The following EHMT1 variants were observed in gnomAD, a reference collection of about 807,000 sequenced individuals.
EHMT1 encodes euchromatic histone lysine methyltransferase 1.
Under a neutral mutation model 147.2 loss-of-function variants are expected in EHMT1, and 15 were observed. That is an observed-to-expected ratio of 0.10 (90% CI 0.07 to 0.16). The LOEUF is 0.16. Among genes scored for constraint, EHMT1 ranks in the 10% least tolerant of loss-of-function variants. The probability of loss-of-function intolerance (pLI) is 1.00; values close to 1 mark genes in which losing one functional copy is unlikely to be tolerated. For synonymous variants in EHMT1, 795 were observed against 709.6 expected (o/e 1.12, Z -1.91); for missense variants, 1,587 against 1,772.4 (o/e 0.90, Z 1.88).
At chr9:137,712,368 G>T (rs1944821944) in intron 2 of EHMT1, among the ~76,000 whole-genome samples, 1 of 152,192 alleles carries the variant, frequency 6.6e-6, no homozygotes, top group Admixed American at 6.5e-5. Context: ...CACCCTGGGG[G>T]AACTGCTGGA....
chr9:137,742,180 G>T lies in EHMT1; in HGVS notation c.824-1191G>T, dbSNP rs376631370. Among the ~76,000 whole-genome samples, 9 of 152,156 alleles carry T rather than the reference G, an allele frequency of 5.9e-5. No homozygotes were observed. In the East Asian group the frequency reaches 7.7e-4, roughly 13 times the overall value. On this transcript the variant is annotated intron_variant, in intron 4 of 26. Transcript: ENST00000460843. Reference sequence around the variant, plus strand: ...TCCTTACTCCAGAGCGGATTGCCCAGGCCCCGCGGCGTCTGTGGGTGGTGC... The same window carrying T: ...TCCTTACTCCAGAGCGGATTGCCCATGCCCCGCGGCGTCTGTGGGTGGTGC...
rs1129767 is a variant in EHMT1, at chr9:137,743,964, G to A, written c.1044G>A (p.Ser348=). 0.18 allele frequency: 287,530 copies of A among 1,613,684 alleles called. 28,823 individuals are homozygous for A. Among genetic ancestry groups the A allele is most frequent in the Admixed American group, 0.39 (23,466 of 59,962 alleles). Residue 348 remains serine (S), a synonymous_variant, in exon 6 of 27, where the codon TCG becomes TCA. Coordinates refer to ENST00000460843, the MANE Select transcript of EHMT1 (RefSeq NM_024757.5). The part of the protein sequence containing the change: ...HVNGESLEMD[S]DEDDSEELEE... ...ATGGGGAGAGCCTGGAGATGGACTCGGATGAGGACGACTCAGAGGAGCTCG... is the reference window on the plus strand; with the variant it reads ...ATGGGGAGAGCCTGGAGATGGACTCAGATGAGGACGACTCAGAGGAGCTCG...
chr9:137,776,606 TC>T lies in EHMT1; in HGVS notation c.1792-9del. ...TTAAAACAAAAATTTTTTTTTGTCC[TC>T]CCATTTTTAGGGTAATTTTATGGAG... On this transcript the variant is annotated splice_polypyrimidine_tract_variant and intron_variant, in intron 11 of 26. Transcript: ENST00000460843. This position sits in a 1 kb window ranked among gnomAD's most constrained non-coding sequence, Gnocchi z 4.4. 4 of 1,613,962 alleles carry T rather than the reference TC, an allele frequency of 2.5e-6. No individual in the cohort carries two copies. Among genetic ancestry groups the T allele is most frequent in the Non-Finnish European group, 3.4e-6 (4 of 1,179,964 alleles).
intron 1 of EHMT1, among the ~76,000 whole-genome samples, chr9:137,686,668 A>C (rs1461264520): frequency 1.3e-5 from 2 of 151,250 alleles, no homozygotes; most frequent in Non-Finnish European, 2.9e-5. Flanking sequence ...GGTGTGAGCC[A>C]CTGTGCCCAG....
At chr9:137,694,338 C>T (rs533651893) in intron 1 of EHMT1, among the ~76,000 whole-genome samples, 174 of 148,596 alleles carry the variant, frequency 1.2e-3, no homozygotes, top group East Asian at 6.1e-4. Context: ...TGGCGCAGGA[C>T]GCTGGCCGAT....
chr9:137,817,715 C>T (rs372143484), intron 24 of EHMT1, 190 bp downstream of exon 24: 13 of 716,918 alleles, frequency 1.8e-5, no homozygotes, highest in East Asian at 1.1e-4. Flanking sequence ...TGCTGCTGCC[C>T]GTAACCAGCC....
chr9:137,752,320 T>C lies in EHMT1; in HGVS notation c.1171-11T>C. ...TGTTTGGGTTCCCGCTTCGACTGTG[T>C]GGCTGATCAGATGGACGGGGAGTCC... On this transcript the variant is annotated splice_polypyrimidine_tract_variant and intron_variant, in intron 6 of 26. Coordinates refer to ENST00000460843, the MANE Select transcript of EHMT1 (RefSeq NM_024757.5). 2 of 1,614,084 alleles carry C rather than the reference T, an allele frequency of 1.2e-6. No individual in the cohort carries two copies. Among genetic ancestry groups the C allele is most frequent in the Non-Finnish European group, 8.5e-7 (1 of 1,179,980 alleles).
At chr9:137,693,096 G>A (rs1277944774) in intron 1 of EHMT1, among the ~76,000 whole-genome samples, 1 of 152,096 alleles carries the variant, frequency 6.6e-6, no homozygotes, top group Non-Finnish European at 1.5e-5. Flanking sequence ...AAGTGTAGTG[G>A]GTGGATGGAA....
intron 1 of EHMT1, among the ~76,000 whole-genome samples, chr9:137,670,025 TG>T (rs1269766391): frequency 1.1e-4 from 16 of 152,172 alleles, no homozygotes; most frequent in African/African-American, 1.9e-4. Flanking sequence ...GCCCAGCTAA[TG>T]TTTTTGTATT....
At chr9:137,671,478 A>G (rs1940621606) in intron 1 of EHMT1, among the ~76,000 whole-genome samples, 1 of 151,776 alleles carries the variant, frequency 6.6e-6, no homozygotes, top group South Asian at 2.1e-4. Flanking sequence ...CCCTGTCAAA[A>G]CAAAGCGACC....
intron 10 of EHMT1, among the ~76,000 whole-genome samples, chr9:137,767,931 C>G (rs553918553): frequency 2.6e-5 from 4 of 152,232 alleles, no homozygotes; most frequent in African/African-American, 9.6e-5. Context: ...TTGGGGTGTT[C>G]AACCTGTTTT....
intron 18 of EHMT1, among the ~76,000 whole-genome samples, chr9:137,810,853 C>A (rs920391105): frequency 6.6e-6 from 1 of 152,074 alleles, no homozygotes; most frequent in African/African-American, 2.4e-5. Flanking sequence ...GTGCCCACCA[C>A]CACGCCCGGC....
chr9:137,717,908 A>G (rs1471206220), intron 3 of EHMT1, among the ~76,000 whole-genome samples: 1 of 152,230 alleles, frequency 6.6e-6, no homozygotes, highest in Non-Finnish European at 1.5e-5. Context: ...GGCCACCTGG[A>G]GACATGCCGA....
At chr9:137,678,050 C>A (rs1941552017) in intron 1 of EHMT1, among the ~76,000 whole-genome samples, 1 of 152,062 alleles carries the variant, frequency 6.6e-6, no homozygotes. Context: ...GCCTGGGCGA[C>A]AGAGCGAGAC....
chr9:137,699,445 G>A (rs1376104656), intron 1 of EHMT1, among the ~76,000 whole-genome samples: 1 of 152,082 alleles, frequency 6.6e-6, no homozygotes, highest in African/African-American at 2.4e-5. Context: ...GGCCGAAGTG[G>A]GCAGATCACT....
intron 16 of EHMT1, chr9:137,792,090 A>G: frequency 2.1e-6 from 1 of 470,092 alleles, no homozygotes; most frequent in South Asian, 1.6e-5. Context: ...CGGAGTCTCA[A>G]GAGACCCAGA....
intron 18 of EHMT1, among the ~76,000 whole-genome samples, chr9:137,805,253 T>C (rs1953848799): frequency 6.6e-6 from 1 of 152,236 alleles, no homozygotes; most frequent in African/African-American, 2.4e-5. Flanking sequence ...GTGTCAGTTG[T>C]CTACATGTAA....
At chr9:137,784,565 C>T (rs1449754632) in intron 15 of EHMT1, 1 of 425,028 alleles carries the variant, frequency 2.4e-6, no homozygotes, top group Non-Finnish European at 3.2e-6. Context: ...TCTCTTCTCT[C>T]TGTTAGTTAC....
intron 6 of EHMT1, among the ~76,000 whole-genome samples, chr9:137,751,360 T>C (rs999147844): frequency 1.3e-5 from 2 of 152,246 alleles, no homozygotes; most frequent in Non-Finnish European, 2.9e-5. Context: ...CTCGCTGTGT[T>C]GCCCAGGCTG....
Sources: gnomAD v4.1 joint callset for allele counts (sites outside exome capture counted in the v4.1 genomes callset) on GRCh38, gnomAD v4.1.1 for gene constraint, Gnocchi (gnomAD v3.1) non-coding constraint, MANE v1.5 for transcripts, NCBI Gene and HGNC (gene_info 2026-07-23, HGNC 2026-07-21) for gene names.